The following WARS2 variants were observed in gnomAD, a reference collection of about 807,000 sequenced individuals.
The protein encoded by WARS2 is tryptophanyl tRNA synthetase 2, mitochondrial.
A neutral mutation model predicts 36.5 loss-of-function variants in WARS2; 28 were observed. The observed-to-expected ratio is 0.77, with a 90% confidence interval of 0.57 to 1.05. The LOEUF (loss-of-function observed/expected upper bound fraction) is 1.05. Among genes scored for constraint, WARS2 ranks in the 50% least tolerant of loss-of-function variants. The probability of loss-of-function intolerance (pLI) is 0.00; values close to 1 mark genes in which losing one functional copy is unlikely to be tolerated. For missense variants in WARS2, 435 were observed against 456.8 expected (o/e 0.95, Z 0.44); for synonymous variants, 174 against 178.4 (o/e 0.98, Z 0.20).
intron 1 of WARS2, among the ~76,000 whole-genome samples, chr1:119,138,145 T>C (rs1656645762): frequency 6.6e-6 from 1 of 152,328 alleles, no homozygotes; most frequent in South Asian, 2.1e-4. Flanking sequence ...AAATAATTTT[T>C]TTCTACAAAG....
intron 1 of WARS2, among the ~76,000 whole-genome samples, chr1:119,077,774 TA>T (rs1235703523): frequency 4.0e-5 from 6 of 151,808 alleles, no homozygotes; most frequent in Admixed American, 6.6e-5. Context: ...CAATACAAAG[TA>T]AAAAAAATTG....
chr1:119,085,066 T>C (rs1471711677), intron 1 of WARS2: 7 of 732,552 alleles, frequency 9.6e-6, no homozygotes, highest in Middle Eastern at 3.6e-4. Context: ...CTTTTATGCC[T>C]ATGGGATTTA....
At chr1:119,096,252 A>G (rs1027048510) in intron 1 of WARS2, among the ~76,000 whole-genome samples, 2 of 152,194 alleles carry the variant, frequency 1.3e-5, no homozygotes, top group Non-Finnish European at 2.9e-5. Flanking sequence ...ATGCAGCAAC[A>G]AAGTTTTGTT....
At chr1:119,093,690 G>C (rs1653213905) in intron 1 of WARS2, among the ~76,000 whole-genome samples, 1 of 152,138 alleles carries the variant, frequency 6.6e-6, no homozygotes, top group African/African-American at 2.4e-5. Flanking sequence ...CTCAGTGTCA[G>C]ACTGCTAGCC....
At chr1:119,048,104 A>G (rs1354267189) in intron 2 of WARS2, among the ~76,000 whole-genome samples, 1 of 152,246 alleles carries the variant, frequency 6.6e-6, no homozygotes, top group Non-Finnish European at 1.5e-5. Context: ...ATTGAGGCAA[A>G]AGCAGTTTCA....
At chr1:119,044,712 G>A (rs921702737) in intron 3 of WARS2, among the ~76,000 whole-genome samples, 1 of 152,074 alleles carries the variant, frequency 6.6e-6, no homozygotes, top group Non-Finnish European at 1.5e-5. Context: ...AGGAGCAAGC[G>A]GTGTCTCTAG....
At chr1:119,101,240 C>T (rs1044544377) in intron 1 of WARS2, among the ~76,000 whole-genome samples, 2 of 151,916 alleles carry the variant, frequency 1.3e-5, no homozygotes, top group Non-Finnish European at 2.9e-5. Context: ...GTATTATATA[C>T]GTGTAACAAA....
At chr1:119,054,453 A>G (rs1649611820) in intron 2 of WARS2, among the ~76,000 whole-genome samples, 1 of 152,180 alleles carries the variant, frequency 6.6e-6, no homozygotes, top group African/African-American at 2.4e-5. Flanking sequence ...TACTGTTGAT[A>G]GGAATGTAAA....
At chr1:119,101,298 C>G (rs1653845342) in intron 1 of WARS2, among the ~76,000 whole-genome samples, 1 of 151,664 alleles carries the variant, frequency 6.6e-6, no homozygotes, top group Admixed American at 6.6e-5. Context: ...CACATGTATG[C>G]CACAAATTTG....
intron 2 of WARS2, among the ~76,000 whole-genome samples, chr1:119,058,937 T>G (rs920352334): frequency 4.0e-5 from 6 of 151,826 alleles, no homozygotes; most frequent in African/African-American, 1.5e-4. Context: ...AGTGTAAAAG[T>G]GTTCCTATTT....
intron 1 of WARS2, among the ~76,000 whole-genome samples, chr1:119,113,883 T>G (rs1298885923): frequency 6.6e-6 from 1 of 152,028 alleles, no homozygotes; most frequent in East Asian, 1.9e-4. Flanking sequence ...CTCTTTTCAT[T>G]TACAATAATT....
At chr1:119,039,223 C>T (rs971588867) in intron 4 of WARS2, among the ~76,000 whole-genome samples, 2 of 152,182 alleles carry the variant, frequency 1.3e-5, no homozygotes, top group Admixed American at 6.5e-5. Context: ...ATTCTCAACA[C>T]ATGTCAAGTC....
chr1:119,074,224 A>G (rs986111945), intron 2 of WARS2, among the ~76,000 whole-genome samples: 6 of 152,224 alleles, frequency 3.9e-5, no homozygotes, highest in African/African-American at 1.4e-4. Flanking sequence ...CTTTTCAGAA[A>G]GAAGGTGAGA....
intron 1 of WARS2, among the ~76,000 whole-genome samples, chr1:119,097,690 T>C (rs951199699): frequency 4.6e-5 from 7 of 152,194 alleles, no homozygotes; most frequent in African/African-American, 1.7e-4. Flanking sequence ...ACATGTCCAC[T>C]ACCCTCGCCA....
At chr1:119,050,006 T>C (rs2101149096) in intron 2 of WARS2, among the ~76,000 whole-genome samples, 1 of 152,276 alleles carries the variant, frequency 6.6e-6, no homozygotes, top group South Asian at 2.1e-4. Flanking sequence ...TCAAAATCTT[T>C]CATGTACTTT....
At chr1:119,051,448 G>T (rs1649345095) in intron 2 of WARS2, among the ~76,000 whole-genome samples, 1 of 152,166 alleles carries the variant, frequency 6.6e-6, no homozygotes, top group Non-Finnish European at 1.5e-5. Flanking sequence ...CCATTGATGG[G>T]TATTTAGGTT....
At chr1:119,038,934 G>A (rs1487541857) in intron 4 of WARS2, among the ~76,000 whole-genome samples, 2 of 152,062 alleles carry the variant, frequency 1.3e-5, no homozygotes, top group Non-Finnish European at 2.9e-5. Context: ...TGCCTGCCTC[G>A]GCCTCCCAAA....
In WARS2 at chr1:119,084,986, G is replaced by A. The variant is rs1652515760; in HGVS notation, c.91-8379C>T. The stretch of plus-strand genomic sequence containing the variant: ...TAATTATTTCCAAATCTACCGAGCA[G>A]CTGAACAGTCTTCAGTGACGCCTAC... On this transcript the variant is annotated intron_variant, in intron 1 of 5. Transcript: ENST00000235521. 1.1e-5 allele frequency: 6 copies of A among 542,204 alleles called. No homozygotes were observed. In the East Asian group the frequency reaches 1.9e-4, roughly 17 times the overall value. 33.6% of individuals were successfully genotyped at this position (542,204 alleles called of 1,614,324 possible). A position where few individuals can be genotyped will look rare whatever the true frequency, so the allele number is the denominator to read the frequency against.
chr1:119,060,176 G>A (rs1465984052), intron 2 of WARS2, among the ~76,000 whole-genome samples: 1 of 152,142 alleles, frequency 6.6e-6, no homozygotes, highest in Non-Finnish European at 1.5e-5. Context: ...ACTTAGCTTG[G>A]TATCAGTCTT....
Sources: allele counts gnomAD v4.1 joint callset (sites outside exome capture counted in the v4.1 genomes callset), GRCh38; gene constraint gnomAD v4.1.1; transcripts MANE v1.5; gene names NCBI Gene and HGNC (gene_info 2026-07-23, HGNC 2026-07-21).